TTN: variants seen among roughly 807,000 people sequenced by gnomAD.
The protein encoded by TTN is connectin.
A neutral mutation model predicts 3,223.0 loss-of-function variants in TTN; 1,525 were observed. The ratio of observed to expected loss-of-function variants is 0.47; its 90% CI spans 0.45 to 0.49. The LOEUF (loss-of-function observed/expected upper bound fraction) is 0.49, where lower values mean the gene tolerates loss of function less well. TTN is among the 20% of genes least tolerant of loss of function. The pLI is 0.00. For synonymous variants in TTN, 14,094 were observed against 15,161.0 expected, an observed-to-expected ratio of 0.93 and a Z score of 5.17; for missense variants, 40,786 against 43,424.0, an observed-to-expected ratio of 0.94 and a Z score of 5.40.
chr2:178,600,783 G>A (rs1388786104), intron 288 of TTN, 71 bp downstream of exon 288: 6 of 1,567,026 alleles, frequency 3.8e-6, no homozygotes, highest in African/African-American at 1.4e-5. Flanking sequence ...TCTTTTAATT[G>A]TGAACTATTA....
In TTN at chr2:178,558,627, G is replaced by C. The variant is rs550405800; in HGVS notation, c.86832C>G (p.Ser28944Arg). The part of the protein sequence containing the change: ...KEGVKITEKP[S>R]PPEKLGVTSI... ...TTGTTACTCCAAGTTTTTCAGGTGGGCTTGGTTTTTCTAAGAAAACAAAGC... is the reference window on the plus strand; with the variant it reads ...TTGTTACTCCAAGTTTTTCAGGTGGCCTTGGTTTTTCTAAGAAAACAAAGC... The change falls in exon 327 of 363, where the codon AGC becomes AGG. Residue 28944 changes from serine (S) to arginine (R), a missense_variant. Transcript: ENST00000589042. 6.2e-7 allele frequency: 1 copy of C among 1,610,496 alleles called. No homozygotes were observed. Among genetic ancestry groups the C allele is most frequent in the South Asian group, 1.1e-5 (1 of 90,000 alleles).
chr2:178,615,917 T>C, intron 257 of TTN, 129 bp from the exon 258 acceptor site: 1 of 1,090,290 alleles, frequency 9.2e-7, no homozygotes, highest in Non-Finnish European at 1.3e-6. Flanking sequence ...TTACATTAAT[T>C]TCATATTAGG....
In TTN at chr2:178,551,305, C is replaced by T. The variant is rs543238242; in HGVS notation, c.91271-45G>A. 1,326 of 1,536,210 alleles carry T rather than the reference C, an allele frequency of 8.6e-4. 25 individuals are homozygous for T. The South Asian group carries it at 0.014, about 17-fold the overall frequency. On this transcript the variant is annotated intron_variant, in intron 335 of 362. Transcript: ENST00000589042. ...GTAAATGCATCATTACATTTGTAACCAGGTCTTAATCATCCATGGAAGAAC... is the reference window on the plus strand; with the variant it reads ...GTAAATGCATCATTACATTTGTAACTAGGTCTTAATCATCCATGGAAGAAC...
chr2:178,573,090 T>C lies in TTN; in HGVS notation c.73042A>G (p.Ile24348Val). 1.2e-6 allele frequency: 2 copies of C among 1,613,252 alleles called. No individual in the cohort carries two copies. Among genetic ancestry groups the C allele is most frequent in the African/African-American group, 1.3e-5 (1 of 74,994 alleles). ...GTGATTTCTGAACCACCATCATAGA[T>C]AGGTTTATTCCAAGCGATTGAAATG... ...SSISIAWNKPIYDGGSEITGY... is the reference protein window; with the variant it reads ...SSISIAWNKPVYDGGSEITGY... The change falls in exon 326 of 363, where the codon ATC becomes GTC. Residue 24348 changes from isoleucine to valine, a missense_variant. Ile to Val is a conservative substitution (Grantham distance 29, BLOSUM62 3). Coordinates refer to ENST00000589042, the MANE Select transcript of TTN (RefSeq NM_001267550.2).
In TTN at chr2:178,544,171, A is replaced by C. The variant is rs764031112; in HGVS notation, c.96028+30T>G. On this transcript the variant is annotated intron_variant, in intron 345 of 362. Transcript: ENST00000589042. ...TCATGGACAGGTGTGAGAAGAAAAT[A>C]ATTCACCTAAAAGCTTCTGTGATAA... 3 of 1,605,734 alleles carry C rather than the reference A, an allele frequency of 1.9e-6. No homozygotes were observed. In the South Asian group the frequency reaches 3.3e-5, roughly 18 times the overall value.
chr2:178,785,983 C>T lies in TTN; in HGVS notation c.2235G>A (p.Lys745=). 1 of 1,614,112 alleles carries T rather than the reference C, an allele frequency of 6.2e-7. No individual in the cohort carries two copies. The highest frequency in any genetic ancestry group is 8.5e-7 in the Non-Finnish European group (1 of 1,180,008). ...YGYKERISAA[K]VAEPPQRPAS... is the part of the protein sequence containing the mutation. ...CTGGACGTTGGGGAGGCTCAGCTACCTTTGCGGCGGAAATGCGTTCCTTAT... is the reference window on the plus strand; with the variant it reads ...CTGGACGTTGGGGAGGCTCAGCTACTTTTGCGGCGGAAATGCGTTCCTTAT... Residue 745 remains lysine, a synonymous_variant, in exon 14 of 363, where the codon AAG becomes AAA. Transcript: ENST00000589042.
intron 326 of TTN, chr2:178,558,998 CACAT>C (rs1298197427): frequency 1.6e-5 from 5 of 311,228 alleles, no homozygotes; most frequent in South Asian, 4.7e-5. Context: ...ATGTCATACA[CACAT>C]ACTATATATA....
At chr2:178,675,000 G>C in intron 150 of TTN, 39 bp downstream of exon 150, 1 of 1,264,434 alleles carries the variant, frequency 7.9e-7, no homozygotes, top group African/African-American at 1.6e-5. Flanking sequence ...ATAAGACAAG[G>C]ATGACTTTGA....
At chr2:178,690,796 T>G (rs893768908) in intron 121 of TTN, among the ~76,000 whole-genome samples, 8 of 152,170 alleles carry the variant, frequency 5.3e-5, no homozygotes, top group African/African-American at 1.9e-4. Context: ...AGTATTTATA[T>G]ATATATACGT....
At position 178,712,725 on chromosome 2, in the gene TTN, A is replaced by T. The variant is rs924080093; in HGVS notation, c.27300T>A (p.Ala9100=). 6.2e-7 allele frequency: 1 copy of T among 1,613,812 alleles called. No homozygotes were observed. The highest frequency in any genetic ancestry group is 8.5e-7 in the Non-Finnish European group (1 of 1,179,738). ...TCIVSNEAGK[A]SCTTHLYIKA... ...TTATGTAGAGATGTGTTGTACAAGA[A>T]GCCTTGCCAGCTTCATTGCTAACTA... The change falls in exon 94 of 363, where the codon GCT becomes GCA. Residue 9100 remains alanine (A), a synonymous_variant. Coordinates refer to ENST00000589042, the MANE Select transcript of TTN (RefSeq NM_001267550.2).
In TTN at chr2:178,574,377, T is replaced by C. The variant is rs777077373; in HGVS notation, c.71755A>G (p.Met23919Val). ...GGGTCAATGGGATCCAGAGCCAACA[T>C]AGGTTCTGATGGCTTGCTTGGCTTA... The part of the protein sequence containing the change: ...KSKPSKPSEP[M>V]LALDPIDPPG... Residue 23919 changes from methionine to valine, a missense_variant, in exon 326 of 363, where the codon ATG (methionine) becomes GTG (valine). Coordinates refer to ENST00000589042, the MANE Select transcript of TTN (RefSeq NM_001267550.2). 3.1e-6 allele frequency: 5 copies of C among 1,613,608 alleles called. No homozygotes were observed. Among genetic ancestry groups the C allele is most frequent in the East Asian group, 2.2e-5 (1 of 44,824 alleles).
chr2:178,587,999 A>C lies in TTN; in HGVS notation c.63408T>G (p.Asp21136Glu). The C allele has an allele frequency of 6.2e-7, 1 of 1,612,706 alleles. No individual in the cohort carries two copies. The highest frequency in any genetic ancestry group is 8.5e-7 in the Non-Finnish European group (1 of 1,179,318). ...VRKEFTVTSLDENQEYEFRVC... is the reference protein window; with the variant it reads ...VRKEFTVTSLEENQEYEFRVC... ...CCCTGAACTCATATTCCTGGTTTTCATCCAAGCTGGTAACAGTGAATTCCT... is the reference window on the plus strand; with the variant it reads ...CCCTGAACTCATATTCCTGGTTTTCCTCCAAGCTGGTAACAGTGAATTCCT... Residue 21136 changes from aspartate to glutamate, a missense_variant, in exon 305 of 363, where the codon GAT becomes GAG. Physicochemically the swap from Asp to Glu is conservative, Grantham distance 45. Coordinates refer to ENST00000589042, the MANE Select transcript of TTN (RefSeq NM_001267550.2).
intron 47 of TTN, chr2:178,751,212 T>C (rs765273280): frequency 1.2e-5 from 19 of 1,609,432 alleles, no homozygotes; most frequent in Middle Eastern, 3.3e-4. Flanking sequence ...CTCAAAGTTC[T>C]TGAGCTTATT....
At position 178,617,325 on chromosome 2, in the gene TTN, C is replaced by T; in HGVS notation, c.47760G>A (p.Lys15920=). The change falls in exon 254 of 363, where the codon AAG becomes AAA. Residue 15920 remains lysine (K), a splice_region_variant and synonymous_variant. Transcript: ENST00000589042. ...TCTTTTTTATATGCAAATGACCTAC[C>T]TTGTAAGTCAGTTCAGGGACAAGTT... is the stretch of plus-strand genomic sequence containing the variant. ...NMKLVPELTY[K]VTGLEKGNKY... 1 of 1,568,612 alleles carries T rather than the reference C, an allele frequency of 6.4e-7. No individual in the cohort carries two copies. Among genetic ancestry groups the T allele is most frequent in the Non-Finnish European group, 8.6e-7 (1 of 1,161,540 alleles).
In TTN at chr2:178,729,640, G is replaced by A. The variant is rs373360028; in HGVS notation, c.18589+24C>T. On this transcript the variant is annotated intron_variant, in intron 63 of 362. Transcript: ENST00000589042. ...ACTTATCAGGCAGCACAGCCAAAAT[G>A]GAGAATAGATTCCATTCACGAACCT... 115 of 1,613,592 alleles carry A rather than the reference G, an allele frequency of 7.1e-5. No individual in the cohort carries two copies. The African/African-American group carries it at 1.4e-3, about 19-fold the overall frequency.
At chr2:178,744,928 G>A (rs2083202240) in intron 47 of TTN, 1 of 985,132 alleles carries the variant, frequency 1.0e-6, no homozygotes, top group Admixed American at 6.2e-5. Flanking sequence ...TTGGTCCCTT[G>A]AAGCCAGTGA....
At chr2:178,687,582 C>A (rs1405426250) in intron 127 of TTN, among the ~76,000 whole-genome samples, 3 of 152,064 alleles carry the variant, frequency 2.0e-5, no homozygotes, top group African/African-American at 7.3e-5. Flanking sequence ...TTTTCTTGCT[C>A]ATTTTAAAAC....
In TTN at chr2:178,772,965, T is replaced by C. The variant is rs1269241557; in HGVS notation, c.7855+144A>G. ...TTGTAATTTAGGCTGGTGGGAATGG[T>C]GTTGCAAGTACTATTGGCTTTGGGA... is the stretch of plus-strand genomic sequence containing the variant. On this transcript the variant is annotated intron_variant, in intron 33 of 362. Coordinates refer to ENST00000589042, the MANE Select transcript of TTN (RefSeq NM_001267550.2). 10 of 970,838 alleles carry C rather than the reference T, an allele frequency of 1.0e-5. No homozygotes were observed. In the Admixed American group the frequency reaches 1.5e-4, roughly 15 times the overall value. 60.1% of individuals were successfully genotyped at this position (970,838 alleles called of 1,614,324 possible).
At position 178,621,127 on chromosome 2, in the gene TTN, T is replaced by G. The variant is rs777451653; in HGVS notation, c.45591A>C (p.Arg15197Ser). The G allele has an allele frequency of 6.2e-7, 1 of 1,612,472 alleles. No individual in the cohort carries two copies. The highest frequency in any genetic ancestry group is 1.1e-5 in the South Asian group (1 of 90,984). Reference protein sequence around the residue: ...GTYVVMVGAARAAAHLTVIEK... With the variant: ...GTYVVMVGAASAAAHLTVIEK... ...CAATGACTGTCAAGTGAGCTGCTGC[T>G]CTGGCGGCCCCTACCATGACAACGT... Residue 15197 changes from arginine to serine, a missense_variant, in exon 246 of 363, where the codon AGA becomes AGC. Arg to Ser is a moderately radical substitution (Grantham distance 110, BLOSUM62 -1). Transcript: ENST00000589042.
Sources: allele counts gnomAD v4.1 joint callset (sites outside exome capture counted in the v4.1 genomes callset), GRCh38; gene constraint gnomAD v4.1.1; transcripts MANE v1.5; gene names NCBI Gene and HGNC (gene_info 2026-07-23, HGNC 2026-07-21).